ARMC2: variants seen among roughly 807,000 people sequenced by gnomAD.
The protein encoded by ARMC2 is armadillo repeat containing 2.
In ARMC2, 67 loss-of-function variants were observed where a neutral mutation model predicts 90.3. That is an observed-to-expected ratio of 0.74 (90% CI 0.61 to 0.91). ARMC2 has a LOEUF of 0.91. ARMC2 is among the 40% of genes least tolerant of loss of function. The pLI is 0.00. For synonymous variants in ARMC2, 393 were observed against 393.0 expected (o/e 1.00, Z 0.00); for missense variants, 920 against 1,030.9 (o/e 0.89, Z 1.47).
chr6:108,897,503 C>T (rs1771714647), intron 6 of ARMC2, among the ~76,000 whole-genome samples: 1 of 151,820 alleles, frequency 6.6e-6, no homozygotes, highest in African/African-American at 2.4e-5. Context: ...TTGTTGACAA[C>T]CTCTATTTAC....
At chr6:108,924,958 G>A (rs1484004382) in intron 10 of ARMC2, among the ~76,000 whole-genome samples, 3 of 152,136 alleles carry the variant, frequency 2.0e-5, no homozygotes, top group Non-Finnish European at 4.4e-5. Flanking sequence ...GGTGGGGCCC[G>A]GGAGTTTAGG....
In ARMC2 at chr6:108,965,050, TG is replaced by T; in HGVS notation, c.2358del (p.Trp786Ter). The T allele has an allele frequency of 6.2e-7, 1 of 1,613,802 alleles. No individual in the cohort carries two copies. Among genetic ancestry groups the T allele is most frequent in the Non-Finnish European group, 8.5e-7 (1 of 1,179,724 alleles). On this transcript the variant is annotated frameshift_variant, in exon 17 of 18. Coordinates refer to ENST00000392644, the MANE Select transcript of ARMC2 (RefSeq NM_032131.6). LOFTEE classifies it high-confidence loss of function. ...QLACLVCKTLWNFSENITNAS... is the reference protein window; with the variant it reads ...QLACLVCKTLXNFSENITNAS... The stretch of plus-strand genomic sequence containing the variant: ...GGCCTGCTTGGTTTGTAAAACTTTA[TG>T]GAACTTCAGTGAAAACATCACTAAT...
At chr6:109,044,556 A>G in the ARMC2 span, among the ~76,000 whole-genome samples, 4 of 152,038 alleles carry the variant, frequency 2.6e-5, no homozygotes, top group African/African-American at 7.2e-5. Context: ...AGAAGAAAAC[A>G]TAAGAGAATA....
downstream of ARMC2, among the ~76,000 whole-genome samples, chr6:108,979,018 T>C (rs1341121306): frequency 6.6e-6 from 1 of 152,194 alleles, no homozygotes; most frequent in Non-Finnish European, 1.5e-5. Flanking sequence ...TGTTGTTATG[T>C]GTGAATTTGA....
At chr6:108,958,964 G>C (rs1777791047) in intron 13 of ARMC2, among the ~76,000 whole-genome samples, 1 of 152,190 alleles carries the variant, frequency 6.6e-6, no homozygotes, top group South Asian at 2.1e-4. Context: ...AAGCAAGAGG[G>C]AATAATTTGG....
chr6:108,994,140 T>TAAAA, the ARMC2 span, among the ~76,000 whole-genome samples: 4 of 100,264 alleles, frequency 4.0e-5, no homozygotes, highest in Admixed American at 3.3e-4. Flanking sequence ...CCCTGTTTCT[T>TAAAA]AAAAAAAAAA....
chr6:109,000,025 G>C, the ARMC2 span: 1 of 152,184 alleles, frequency 6.6e-6, no homozygotes, highest in African/African-American at 2.4e-5. Flanking sequence ...GATGAAAGAA[G>C]CCAGTCTGAA....
chr6:109,024,306 A>C, the ARMC2 span, among the ~76,000 whole-genome samples: 2 of 152,178 alleles, frequency 1.3e-5, no homozygotes, highest in African/African-American at 4.8e-5. Context: ...GACTACCATT[A>C]AACTGATAGC....
At chr6:108,938,489 G>A (rs1776148117) in intron 12 of ARMC2, among the ~76,000 whole-genome samples, 1 of 150,114 alleles carries the variant, frequency 6.7e-6, no homozygotes. Flanking sequence ...ACTGTGCCTG[G>A]CCCAAAAGAA....
intron 13 of ARMC2, among the ~76,000 whole-genome samples, chr6:108,954,060 G>A (rs1777390257): frequency 6.6e-6 from 1 of 152,172 alleles, no homozygotes; most frequent in Non-Finnish European, 1.5e-5. Context: ...TGGGGTAGGG[G>A]ACAGTCTGTC....
chr6:108,990,979 T>G, the ARMC2 span: 1 of 641,584 alleles, frequency 1.6e-6, no homozygotes, highest in South Asian at 2.2e-5. Context: ...TCACTTACAC[T>G]CCAATCTTTT....
chr6:108,958,971 T>C (rs2128509233), intron 13 of ARMC2, among the ~76,000 whole-genome samples: 1 of 152,336 alleles, frequency 6.6e-6, no homozygotes, highest in South Asian at 2.1e-4. Flanking sequence ...AGGGAATAAT[T>C]TGGAGGTCCT....
At chr6:108,989,835 T>A in the ARMC2 span, among the ~76,000 whole-genome samples, 3 of 152,044 alleles carry the variant, frequency 2.0e-5, no homozygotes, top group African/African-American at 4.8e-5. Context: ...TCCAATCACA[T>A]AGGCACTGAA....
chr6:108,884,462 G>A (rs1008087928), intron 5 of ARMC2, among the ~76,000 whole-genome samples: 3 of 152,216 alleles, frequency 2.0e-5, no homozygotes, highest in East Asian at 3.8e-4. Flanking sequence ...TGAAAATTTA[G>A]AGGTCAGAGC....
At chr6:109,045,915 C>T in the ARMC2 span, among the ~76,000 whole-genome samples, 4 of 152,198 alleles carry the variant, frequency 2.6e-5, no homozygotes, top group South Asian at 8.3e-4. Context: ...TATGGAAGAA[C>T]TCTGATTGAA....
intron 12 of ARMC2, among the ~76,000 whole-genome samples, chr6:108,949,672 C>G (rs1350088755): frequency 2.0e-5 from 3 of 152,222 alleles, no homozygotes; most frequent in Admixed American, 1.3e-4. Flanking sequence ...GGAGGAGAAG[C>G]TACCAACTCA....
chr6:108,921,178 A>C (rs1033439118), intron 10 of ARMC2, among the ~76,000 whole-genome samples: 15 of 152,164 alleles, frequency 9.9e-5, no homozygotes, highest in African/African-American at 3.4e-4. Context: ...GCCATTCTAG[A>C]TTGTTTGTAT....
intron 12 of ARMC2, among the ~76,000 whole-genome samples, chr6:108,945,538 G>A (rs765795239): frequency 1.7e-4 from 26 of 152,324 alleles, no homozygotes; most frequent in East Asian, 5.8e-4. Context: ...TCCAGATGCA[G>A]CAGGACTGTC....
intron 12 of ARMC2, among the ~76,000 whole-genome samples, chr6:108,943,437 C>G (rs1776594702): frequency 6.6e-6 from 1 of 152,052 alleles, no homozygotes; most frequent in Non-Finnish European, 1.5e-5. Flanking sequence ...AATGGGTATT[C>G]AAGTGGTGAG....
Sources: gnomAD v4.1 joint callset for allele counts (sites outside exome capture counted in the v4.1 genomes callset) on GRCh38, gnomAD v4.1.1 for gene constraint, MANE v1.5 for transcripts, NCBI Gene and HGNC (gene_info 2026-07-23, HGNC 2026-07-21) for gene names.